CA10: variants seen among roughly 807,000 people sequenced by gnomAD.
CA10 encodes carbonic anhydrase 10 (inactive).
Under a neutral mutation model 44.2 loss-of-function variants are expected in CA10, and 14 were observed. That is an observed-to-expected ratio of 0.32 (90% CI 0.21 to 0.50). The LOEUF (loss-of-function observed/expected upper bound fraction) is 0.50. CA10 is among the 20% of genes least tolerant of loss of function. The pLI is 0.99. For synonymous variants in CA10, 159 were observed against 141.6 expected (o/e 1.12, Z -0.87); for missense variants, 350 against 409.7 (o/e 0.85, Z 1.26).
chr17:51,900,270 G>A (rs1382083869), intron 3 of CA10, among the ~76,000 whole-genome samples: 1 of 152,076 alleles, frequency 6.6e-6, no homozygotes, highest in Non-Finnish European at 1.5e-5. Flanking sequence ...AGATTCTTAT[G>A]TTTCCTTTGC....
At chr17:52,006,027 C>T (rs1169109053) in intron 2 of CA10, among the ~76,000 whole-genome samples, 1 of 151,804 alleles carries the variant, frequency 6.6e-6, no homozygotes, top group African/African-American at 2.4e-5. Flanking sequence ...CATATTGCAA[C>T]TTTTATCCCA....
rs576037503 is a variant in CA10, at chr17:51,675,170, C to G, written c.466-21434G>C. On this transcript the variant is annotated intron_variant, in intron 4 of 8. Transcript: ENST00000451037. ...CAGCCGGAGGAGGGAAAAGCATAGT[C>G]CCCCAAACTGCCATGAGGTTTGGAG... 2.6e-5 allele frequency among the ~76,000 whole-genome samples: 4 copies of G among 152,316 alleles called. No individual in the cohort carries two copies. The East Asian group carries it at 5.8e-4, about 22-fold the overall frequency.
At position 52,072,387 on chromosome 17, in the gene CA10, T is replaced by C. The variant is rs762319066; in HGVS notation, c.68A>G (p.Gln23Arg). ...ANFIVCISAQQNSPKIHEGWW... is the reference protein window; with the variant it reads ...ANFIVCISAQRNSPKIHEGWW... ...GCCTTCATGGATTTTTGGTGAATTC[T>C]GTTGAGCTAAAGGAAAAGCAAAGAA... is the stretch of plus-strand genomic sequence containing the variant. Residue 23 changes from glutamine to arginine, a missense_variant, in exon 2 of 9, where the codon CAG (glutamine) becomes CGG (arginine). By Grantham distance (43) the Gln-to-Arg change is conservative. Coordinates refer to ENST00000451037, the MANE Select transcript of CA10 (RefSeq NM_020178.5). The C allele has an allele frequency of 1.2e-6, 2 of 1,612,726 alleles. No homozygotes were observed. The highest frequency in any genetic ancestry group is 2.2e-5 in the South Asian group (2 of 91,030).
At chr17:51,685,862 A>C (rs1163828808) in intron 4 of CA10, among the ~76,000 whole-genome samples, 1 of 152,198 alleles carries the variant, frequency 6.6e-6, no homozygotes, top group Non-Finnish European at 1.5e-5. Context: ...CTGATACGCC[A>C]CAAAGAGGAA....
At chr17:51,964,639 A>G (rs1282168874) in intron 2 of CA10, among the ~76,000 whole-genome samples, 1 of 151,972 alleles carries the variant, frequency 6.6e-6, no homozygotes, top group Non-Finnish European at 1.5e-5. Context: ...ACATGGAAAT[A>G]TAACAACTTG....
intron 3 of CA10, among the ~76,000 whole-genome samples, chr17:51,805,087 A>C (rs1400473789): frequency 6.6e-6 from 1 of 152,162 alleles, no homozygotes; most frequent in Non-Finnish European, 1.5e-5. Context: ...GCCTGGTCTC[A>C]GCGGTCCCTT....
chr17:52,057,673 A>G (rs1171100538), intron 2 of CA10, among the ~76,000 whole-genome samples: 1 of 152,130 alleles, frequency 6.6e-6, no homozygotes, highest in East Asian at 1.9e-4. Context: ...CAGTAACTAC[A>G]GCAATTGTTT....
intron 3 of CA10, among the ~76,000 whole-genome samples, chr17:51,842,789 T>C (rs1261208664): frequency 2.0e-5 from 3 of 152,118 alleles, no homozygotes; most frequent in African/African-American, 7.2e-5. Context: ...GTATATGGTA[T>C]GGAACAACAC....
At chr17:52,004,130 C>G (rs1985522261) in intron 2 of CA10, among the ~76,000 whole-genome samples, 1 of 151,810 alleles carries the variant, frequency 6.6e-6, no homozygotes, top group African/African-American at 2.4e-5. Context: ...TGCAATTTGC[C>G]CATCTTTACA....
At position 51,653,744 on chromosome 17, in the gene CA10, G is replaced by A; in HGVS notation, c.466-8C>T. 6.5e-7 allele frequency: 1 copy of A among 1,548,572 alleles called. No individual in the cohort carries two copies. Among genetic ancestry groups the A allele is most frequent in the Admixed American group, 1.7e-5 (1 of 59,936 alleles). On this transcript the variant is annotated splice_polypyrimidine_tract_variant and splice_region_variant and intron_variant, in intron 4 of 8. Coordinates refer to ENST00000451037, the MANE Select transcript of CA10 (RefSeq NM_020178.5). ...ATAGTGGATGAGCTGCACCTGGCAG[G>A]AGGGAAAAACAAGAATCAGAACAAT...
In CA10 at chr17:51,789,972, C is replaced by T. The variant is rs79771787; in HGVS notation, c.280-42154G>A. 9.3e-4 allele frequency among the ~76,000 whole-genome samples: 142 copies of T among 152,254 alleles called. 1 individual carries two copies. The highest frequency in any genetic ancestry group is 3.0e-3 in the African/African-American group (126 of 41,546). On this transcript the variant is annotated intron_variant, in intron 3 of 8. Coordinates refer to ENST00000451037, the MANE Select transcript of CA10 (RefSeq NM_020178.5). ...TCTTACATCCCATTACCCTAAGGGC[C>T]CTCCCGGGAGTCCACAGGTTGTGCC...
intron 1 of CA10, among the ~76,000 whole-genome samples, chr17:52,075,363 G>A (rs901713422): frequency 1.3e-5 from 2 of 152,110 alleles, no homozygotes; most frequent in Non-Finnish European, 2.9e-5. Flanking sequence ...TTCTCTCAAT[G>A]GTATGTGGTT....
chr17:51,842,637 A>C (rs1378299032), intron 3 of CA10, among the ~76,000 whole-genome samples: 1 of 152,182 alleles, frequency 6.6e-6, no homozygotes, highest in Non-Finnish European at 1.5e-5. Flanking sequence ...GTTGGCATGA[A>C]ACTCTCTTTC....
At chr17:52,126,429 A>G (rs946155169) in intron 1 of CA10, among the ~76,000 whole-genome samples, 7 of 152,242 alleles carry the variant, frequency 4.6e-5, no homozygotes, top group African/African-American at 1.7e-4. Flanking sequence ...ATGTTTGAAA[A>G]TGAGCAAATG....
chr17:51,839,351 G>A (rs1257296890), intron 3 of CA10, among the ~76,000 whole-genome samples: 2 of 151,738 alleles, frequency 1.3e-5, no homozygotes, highest in Non-Finnish European at 2.9e-5. Flanking sequence ...AAATTAGCCG[G>A]GCGTGGTGGC....
chr17:51,704,955 C>CAA (rs1915716641), intron 4 of CA10, among the ~76,000 whole-genome samples: 1 of 147,438 alleles, frequency 6.8e-6, no homozygotes. Context: ...GGTGACAGAG[C>CAA]GACTCTGTCT....
chr17:51,970,640 T>C (rs778361632), intron 2 of CA10, among the ~76,000 whole-genome samples: 3 of 152,098 alleles, frequency 2.0e-5, no homozygotes, highest in Non-Finnish European at 4.4e-5. Context: ...AAGCATGATA[T>C]GCATTAATCC....
rs142377911 is a variant in CA10 at position 52,030,348 on chromosome 17, T to C, written c.136+41971A>G. ...AAAACAGTGGGATAACATCAATGGA[T>C]GAAAGGGAGAAAGAGTGTGTAACCA... On this transcript the variant is annotated intron_variant, in intron 2 of 8. Coordinates refer to ENST00000451037, the MANE Select transcript of CA10 (RefSeq NM_020178.5). 1.2e-3 allele frequency among the ~76,000 whole-genome samples: 187 copies of C among 152,236 alleles called. 5 individuals are homozygous for C. In the South Asian group the frequency reaches 0.023, roughly 19 times the overall value.
At chr17:51,987,115 T>C in intron 2 of CA10, among the ~76,000 whole-genome samples, 1 of 152,164 alleles carries the variant, frequency 6.6e-6, no homozygotes, top group East Asian at 1.9e-4. Flanking sequence ...CAAATGCCCA[T>C]CAATCAATGA....
Sources: gnomAD v4.1 joint callset for allele counts (sites outside exome capture counted in the v4.1 genomes callset) on GRCh38, gnomAD v4.1.1 for gene constraint, MANE v1.5 for transcripts, NCBI Gene and HGNC (gene_info 2026-07-23, HGNC 2026-07-21) for gene names.